Variants in NAALADL2 observed in about 807,000 individuals in gnomAD.
The protein encoded by NAALADL2 is N-acetylated alpha-linked acidic dipeptidase like 2.
In NAALADL2, 76 loss-of-function variants were observed where a neutral mutation model predicts 87.2. The observed-to-expected ratio is 0.87, with a 90% CI of 0.72 to 1.05. NAALADL2 has a LOEUF of 1.05. Ranked by LOEUF, NAALADL2 falls within the 50% of genes least tolerant of loss-of-function variation. The pLI, the probability that NAALADL2 is intolerant of heterozygous loss-of-function variation, is 0.00. For missense variants in NAALADL2, 1,089 were observed against 945.8 expected (o/e 1.15, Z -1.99); for synonymous variants, 354 against 331.0 (o/e 1.07, Z -0.75).
At chr3:174,788,641 G>A (rs1470364055) in intron 3 of NAALADL2, among the ~76,000 whole-genome samples, 1 of 152,060 alleles carries the variant, frequency 6.6e-6, no homozygotes, top group African/African-American at 2.4e-5. Flanking sequence ...TCCAAATACA[G>A]TAACATTCTG....
chr3:175,428,673 T>TCATGG (rs1329669297), intron 5 of NAALADL2, among the ~76,000 whole-genome samples: 1 of 152,054 alleles, frequency 6.6e-6, no homozygotes. Flanking sequence ...ATCTCACTTG[T>TCATGG]CTCCACCATG....
intron 9 of NAALADL2, among the ~76,000 whole-genome samples, chr3:175,563,372 AG>A (rs1716589321): frequency 6.6e-6 from 1 of 152,156 alleles, no homozygotes; most frequent in Non-Finnish European, 1.5e-5. Context: ...TTTACTTGAA[AG>A]CAGGTTTTGC....
chr3:175,174,291 C>T (rs1265105614), intron 2 of NAALADL2, among the ~76,000 whole-genome samples: 1 of 152,144 alleles, frequency 6.6e-6, no homozygotes, highest in Non-Finnish European at 1.5e-5. Flanking sequence ...TTACCATATA[C>T]ATTGCCAACT....
At chr3:174,615,327 C>A (rs922406784) in intron 2 of NAALADL2, among the ~76,000 whole-genome samples, 1 of 152,196 alleles carries the variant, frequency 6.6e-6, no homozygotes, top group Non-Finnish European at 1.5e-5. Context: ...CAGTGTTCCA[C>A]AAATCTCTCT....
chr3:175,537,421 G>A (rs1463373132), intron 9 of NAALADL2, among the ~76,000 whole-genome samples: 3 of 152,116 alleles, frequency 2.0e-5, no homozygotes, highest in Non-Finnish European at 4.4e-5. Context: ...GCATATTTTC[G>A]TGTATGCTCA....
At chr3:174,676,365 A>G (rs1727036140) in intron 2 of NAALADL2, among the ~76,000 whole-genome samples, 1 of 152,056 alleles carries the variant, frequency 6.6e-6, no homozygotes, top group Admixed American at 6.6e-5. Flanking sequence ...AACAATTTGC[A>G]TATATTGTTT....
intron 1 of NAALADL2, among the ~76,000 whole-genome samples, chr3:174,928,685 T>C (rs1345011216): frequency 4.6e-5 from 7 of 152,230 alleles, no homozygotes; most frequent in Non-Finnish European, 1.0e-4. Context: ...CCAATTTTAA[T>C]ATTTAGGTCA....
At chr3:174,973,949 G>A (rs896706903) in intron 1 of NAALADL2, among the ~76,000 whole-genome samples, 1 of 152,094 alleles carries the variant, frequency 6.6e-6, no homozygotes, top group African/African-American at 2.4e-5. Flanking sequence ...ATTTTGCACT[G>A]CACAAACCAA....
intron 1 of NAALADL2, among the ~76,000 whole-genome samples, chr3:174,515,922 T>A (rs1279396260): frequency 2.6e-5 from 4 of 151,758 alleles, no homozygotes; most frequent in African/African-American, 9.7e-5. Context: ...GGAAAAGAAA[T>A]GATAAGAAGT....
intron 2 of NAALADL2, among the ~76,000 whole-genome samples, chr3:174,716,298 G>T (rs1221153254): frequency 6.6e-6 from 1 of 151,890 alleles, no homozygotes; most frequent in African/African-American, 2.4e-5. Flanking sequence ...ATGTATCTAA[G>T]GAAGACTACT....
At chr3:174,746,432 A>T (rs1317666691) in intron 3 of NAALADL2, among the ~76,000 whole-genome samples, 2 of 152,048 alleles carry the variant, frequency 1.3e-5, no homozygotes, top group Non-Finnish European at 2.9e-5. Flanking sequence ...ATTAAGAGAG[A>T]ACACAAACAA....
intron 2 of NAALADL2, among the ~76,000 whole-genome samples, chr3:174,569,770 T>G (rs1281100573): frequency 1.3e-5 from 2 of 152,150 alleles, no homozygotes; most frequent in Non-Finnish European, 2.9e-5. Flanking sequence ...GCAAATGCTT[T>G]AAGTATTCAA....
At chr3:175,194,432 G>A (rs939708843) in intron 2 of NAALADL2, among the ~76,000 whole-genome samples, 1 of 151,846 alleles carries the variant, frequency 6.6e-6, no homozygotes, top group African/African-American at 2.4e-5. Flanking sequence ...AATCCCTTAA[G>A]GGGCTTGACA....
chr3:174,878,633 T>C (rs1201461821), intron 1 of NAALADL2, among the ~76,000 whole-genome samples: 1 of 152,090 alleles, frequency 6.6e-6, no homozygotes, highest in East Asian at 1.9e-4. Context: ...TTGAATTTTT[T>C]TCTTGTTGGC....
At chr3:175,182,508 T>G (rs1198704408) in intron 2 of NAALADL2, among the ~76,000 whole-genome samples, 2 of 150,340 alleles carry the variant, frequency 1.3e-5, no homozygotes, top group Non-Finnish European at 3.0e-5. Context: ...CCAACTGAGC[T>G]TCCTGAGTAG....
intron 1 of NAALADL2, among the ~76,000 whole-genome samples, chr3:174,472,414 T>G (rs1223626381): frequency 2.6e-5 from 4 of 152,210 alleles, no homozygotes; most frequent in Non-Finnish European, 5.9e-5. Flanking sequence ...GGAACAGTAC[T>G]TGTCTTCAGA....
intron 9 of NAALADL2, among the ~76,000 whole-genome samples, chr3:175,542,150 A>G (rs1712463697): frequency 6.6e-6 from 1 of 152,300 alleles, no homozygotes; most frequent in Admixed American, 6.5e-5. Flanking sequence ...ATGGCTTTGA[A>G]TGAAAATCCA....
intron 1 of NAALADL2, among the ~76,000 whole-genome samples, chr3:174,865,106 G>A (rs888523004): frequency 6.6e-6 from 1 of 151,888 alleles, no homozygotes; most frequent in Admixed American, 6.6e-5. Flanking sequence ...TTTCATAAAT[G>A]CTTTCTGTAA....
intron 4 of NAALADL2, among the ~76,000 whole-genome samples, chr3:175,320,567 G>T (rs1239595442): frequency 6.6e-6 from 1 of 152,158 alleles, no homozygotes; most frequent in African/African-American, 2.4e-5. Flanking sequence ...TTTCTAAACA[G>T]TGTGACAGTA....
Sources: allele counts gnomAD v4.1 joint callset (sites outside exome capture counted in the v4.1 genomes callset), GRCh38; gene constraint gnomAD v4.1.1; transcripts MANE v1.5; gene names NCBI Gene and HGNC (gene_info 2026-07-23, HGNC 2026-07-21).